SHTN1: variants seen among roughly 807,000 people sequenced by gnomAD.
The protein encoded by SHTN1 is shootin 1.
In SHTN1, 42 loss-of-function variants were observed where a neutral mutation model predicts 83.1. The ratio of observed to expected loss-of-function variants is 0.51; its 90% CI spans 0.39 to 0.65. SHTN1 has a LOEUF of 0.65. SHTN1 is among the 30% of genes least tolerant of loss of function. The pLI, the probability that SHTN1 is intolerant of heterozygous loss-of-function variation, is 0.00. For missense variants in SHTN1, 622 were observed against 737.8 expected (o/e 0.84, Z 1.82); for synonymous variants, 224 against 247.7 (o/e 0.90, Z 0.90).
chr10:117,005,154 G>C lies in SHTN1; in HGVS notation c.-75C>G. 1.3e-6 allele frequency: 2 copies of C among 1,549,978 alleles called. No individual in the cohort carries two copies. The highest frequency in any genetic ancestry group is 1.8e-4 in the Middle Eastern group (1 of 5,658). On this transcript the variant is annotated 5_prime_UTR_variant, in exon 1 of 17. Coordinates refer to ENST00000355371, the MANE Select transcript of SHTN1 (RefSeq NM_001127211.3). ...CACACAGGAGGAGGGGGAAGAAAAA[G>C]CAAGATGCCGGTGGCTTGCGGCTCC...
At chr10:117,080,805 G>C (rs1224929261) in intron 1 of SHTN1, among the ~76,000 whole-genome samples, 9 of 134,010 alleles carry the variant, frequency 6.7e-5, no homozygotes, top group African/African-American at 2.3e-4. Context: ...AAGCAATTGT[G>C]AATGGGAGTT....
chr10:117,052,910 C>G (rs903566455), intron 1 of SHTN1, among the ~76,000 whole-genome samples: 2 of 150,150 alleles, frequency 1.3e-5, no homozygotes, highest in African/African-American at 4.9e-5. Flanking sequence ...GTCCCAGCTA[C>G]TCGGGAGGCT....
At chr10:116,952,100 C>T (rs1849800183) in intron 5 of SHTN1, 94 bp from the exon 6 acceptor site, 1 of 532,232 alleles carries the variant, frequency 1.9e-6, no homozygotes, top group East Asian at 3.4e-5. Context: ...AGTCCATGTG[C>T]AGCTTATGGT....
At chr10:117,050,359 G>C (rs10787745) in intron 1 of SHTN1, among the ~76,000 whole-genome samples, 6 of 152,040 alleles carry the variant, frequency 3.9e-5, no homozygotes, top group Middle Eastern at 3.4e-3. Context: ...ACAACTAATA[G>C]ATTAAAAAAG....
chr10:117,021,499 T>C (rs931781416), intron 2 of SHTN1, among the ~76,000 whole-genome samples: 3 of 152,206 alleles, frequency 2.0e-5, no homozygotes, highest in Non-Finnish European at 4.4e-5. Context: ...TATATGCATG[T>C]TGGAAATTTT....
intron 2 of SHTN1, among the ~76,000 whole-genome samples, chr10:117,034,890 A>G (rs1852473080): frequency 6.6e-6 from 1 of 152,176 alleles, no homozygotes; most frequent in Non-Finnish European, 1.5e-5. Context: ...TATTGTTAAA[A>G]TGTCCATACT....
rs146421717 is a variant in SHTN1 at position 116,932,874 on chromosome 10, C to T, written c.859-2872G>A. ...ATATATACAACAATTTAGTCCTATA[C>T]CTCAGCTCAATTCAGTAGGTTCTAG... On this transcript the variant is annotated intron_variant, in intron 9 of 16. Transcript: ENST00000355371. Among the ~76,000 whole-genome samples the T allele has an allele frequency of 2.3e-3, 348 of 152,224 alleles. 1 individual carries two copies. Among genetic ancestry groups the T allele is most frequent in the South Asian group, 6.6e-3 (32 of 4,822 alleles).
intron 2 of SHTN1, among the ~76,000 whole-genome samples, chr10:117,038,614 T>C (rs1411070106): frequency 1.3e-5 from 2 of 152,106 alleles, no homozygotes; most frequent in African/African-American, 4.8e-5. Flanking sequence ...ATCCAAAATA[T>C]ACAAAGAACT....
intron 4 of SHTN1, among the ~76,000 whole-genome samples, chr10:116,957,798 G>A (rs886621528): frequency 2.0e-5 from 3 of 152,024 alleles, no homozygotes; most frequent in Admixed American, 6.5e-5. Flanking sequence ...AGTGGCTCAC[G>A]CCTGTAATCC....
chr10:117,053,681 G>A (rs948976190), intron 1 of SHTN1, among the ~76,000 whole-genome samples: 12 of 152,306 alleles, frequency 7.9e-5, no homozygotes, highest in African/African-American at 2.6e-4. Flanking sequence ...TGCACATACT[G>A]TGGAAAACAG....
intron 5 of SHTN1, 27 bp from the exon 6 acceptor site, chr10:116,952,033 T>G (rs1438377898): frequency 5.2e-6 from 6 of 1,150,604 alleles, no homozygotes; most frequent in Non-Finnish European, 5.9e-6. Context: ...AAAAAATATA[T>G]AAATAAACTT....
rs573286537 is a variant in SHTN1 at position 116,964,725 on chromosome 10, G to A, written c.172+3927C>T. Among the ~76,000 whole-genome samples the A allele has an allele frequency of 1.7e-4, 26 of 152,352 alleles. 1 individual carries two copies. The East Asian group carries it at 4.8e-3, about 28-fold the overall frequency. On this transcript the variant is annotated intron_variant, in intron 3 of 16. Transcript: ENST00000355371. The stretch of plus-strand genomic sequence containing the variant: ...GGGCTGGGCGCGGTGGCTCATGCCT[G>A]TAATCCCAGCACTTTGGGAGGCCAA...
chr10:116,883,382 A>G lies in SHTN1; in HGVS notation c.*2962T>C, dbSNP rs1847078436. 1 of 152,178 alleles carries G rather than the reference A, an allele frequency of 6.6e-6. No individual in the cohort carries two copies. Among genetic ancestry groups the G allele is most frequent in the African/African-American group, 2.4e-5 (1 of 41,452 alleles). 9.4% of individuals were successfully genotyped at this position (152,178 alleles called of 1,614,324 possible). On this transcript the variant is annotated 3_prime_UTR_variant, in exon 17 of 17. Transcript: ENST00000355371. ...ATTAAAATGACTGTGGGATAGGGAC[A>G]TGTTAGTGCTTGGAAGAGAAACTTC...
chr10:117,065,731 AG>A (rs1192336828), intron 1 of SHTN1, among the ~76,000 whole-genome samples: 1 of 7,452 alleles, frequency 1.3e-4, no homozygotes, highest in Non-Finnish European at 5.1e-4. Context: ...GAGAGATGAA[AG>A]AAAGAAAGAA....
intron 12 of SHTN1, among the ~76,000 whole-genome samples, chr10:116,918,538 A>G (rs1848449192): frequency 6.6e-6 from 1 of 152,230 alleles, no homozygotes; most frequent in African/African-American, 2.4e-5. Context: ...AATTAAGTTC[A>G]AATCTGACAT....
At position 117,103,673 on chromosome 10, in the gene SHTN1, G is replaced by A. The variant is rs571366774; in HGVS notation, c.-189+22634C>T. On this transcript the variant is annotated intron_variant, in intron 1 of 17. Coordinates refer to the SHTN1 transcript ENST00000392901. ...CTGCCTCAGCCTCCCGAGAGCTGGG[G>A]CTACAGGTGCCCACCACCACGCCCG... 5.2e-4 allele frequency among the ~76,000 whole-genome samples: 78 copies of A among 150,646 alleles called. 1 individual carries two copies. The South Asian group carries it at 0.016, about 31-fold the overall frequency.
Position 116,901,744 on chromosome 10 carries a change from G to C in SHTN1, c.1673+21C>G, listed in dbSNP as rs373651304. 54 of 1,565,362 alleles carry C rather than the reference G, an allele frequency of 3.4e-5. No individual in the cohort carries two copies. The East Asian group carries it at 5.6e-4, about 16-fold the overall frequency. On this transcript the variant is annotated intron_variant, in intron 16 of 16. Transcript: ENST00000355371. ...TACAGATTCTTCTATACACCACTTA[G>C]TAAAGAGCATCGTTACTTACTGAAA...
At chr10:117,106,632 C>CT (rs775436104) in intron 1 of SHTN1, among the ~76,000 whole-genome samples, 1 of 152,138 alleles carries the variant, frequency 6.6e-6, no homozygotes, top group Non-Finnish European at 1.5e-5. Context: ...GTAGCAGCTC[C>CT]TATAGGATGC....
At chr10:117,044,746 T>TG in intron 2 of SHTN1, among the ~76,000 whole-genome samples, 1 of 152,222 alleles carries the variant, frequency 6.6e-6, no homozygotes, top group African/African-American at 2.4e-5. Context: ...TAAACACCTA[T>TG]GTTGAAGTGA....
Sources: allele counts gnomAD v4.1 joint callset (sites outside exome capture counted in the v4.1 genomes callset), GRCh38; gene constraint gnomAD v4.1.1; transcripts MANE v1.5; gene names NCBI Gene and HGNC (gene_info 2026-07-23, HGNC 2026-07-21).